Variants in GSG1L observed in about 807,000 individuals in gnomAD.
The protein encoded by GSG1L is germ cell-specific gene 1-like protein.
In GSG1L, 24 loss-of-function variants were observed where a neutral mutation model predicts 42.1. That is an observed-to-expected ratio of 0.57 (90% CI 0.41 to 0.80). The LOEUF (loss-of-function observed/expected upper bound fraction) is 0.80, where lower values mean the gene tolerates loss of function less well. Among genes scored for constraint, GSG1L ranks in the 30% least tolerant of loss-of-function variants. The pLI is 0.00. For missense variants in GSG1L, 445 were observed against 472.2 expected (o/e 0.94, Z 0.53); for synonymous variants, 215 against 203.5 (o/e 1.06, Z -0.48).
At chr16:27,967,510 C>G (rs374444812) in intron 1 of GSG1L, among the ~76,000 whole-genome samples, 1 of 152,134 alleles carries the variant, frequency 6.6e-6, no homozygotes, top group African/African-American at 2.4e-5. Context: ...CAGACAAAGA[C>G]GATAAGGCCC....
chr16:27,840,970 G>A (rs1567480130), intron 4 of GSG1L, among the ~76,000 whole-genome samples: 1 of 152,130 alleles, frequency 6.6e-6, no homozygotes. Context: ...AACCCAGCAA[G>A]CACCACCCAG....
intron 1 of GSG1L, among the ~76,000 whole-genome samples, chr16:28,055,315 C>G (rs986711067): frequency 6.6e-6 from 1 of 151,946 alleles, no homozygotes; most frequent in Non-Finnish European, 1.5e-5. Flanking sequence ...CACCACCACA[C>G]TTATCTAATT....
intron 3 of GSG1L, among the ~76,000 whole-genome samples, chr16:27,855,196 C>T (rs2083562349): frequency 6.6e-6 from 1 of 152,172 alleles, no homozygotes. Flanking sequence ...CTGGCTTGTC[C>T]CCTGCTGAGG....
rs540584851 is a variant in GSG1L at position 27,899,641 on chromosome 16, C to T, written c.398-15003G>A. ...CTGAAGCAGGAGAATTGCTTGAGCT[C>T]GGGAGGTTGAAGCTACAGTGAGCTA... On this transcript the variant is annotated intron_variant, in intron 2 of 6. Coordinates refer to ENST00000447459, the MANE Select transcript of GSG1L (RefSeq NM_001109763.2). 2.8e-4 allele frequency among the ~76,000 whole-genome samples: 43 copies of T among 152,212 alleles called. No individual in the cohort carries two copies. The East Asian group carries it at 4.4e-3, about 16-fold the overall frequency.
intron 6 of GSG1L, among the ~76,000 whole-genome samples, chr16:27,804,513 C>T (rs896633394): frequency 6.6e-6 from 1 of 151,738 alleles, no homozygotes; most frequent in Non-Finnish European, 1.5e-5. Flanking sequence ...TCTCTCCCCT[C>T]AGACTGTGAG....
intron 1 of GSG1L, among the ~76,000 whole-genome samples, chr16:28,049,173 C>T (rs768831134): frequency 2.6e-5 from 4 of 152,164 alleles, no homozygotes; most frequent in Non-Finnish European, 5.9e-5. Flanking sequence ...CCACAACATA[C>T]ACAGGAGCAG....
chr16:27,917,915 C>T (rs547344048), intron 2 of GSG1L, among the ~76,000 whole-genome samples: 1 of 151,988 alleles, frequency 6.6e-6, no homozygotes, highest in African/African-American at 2.4e-5. Flanking sequence ...AGAAAGTGGC[C>T]GGAAGCCAAG....
intron 1 of GSG1L, among the ~76,000 whole-genome samples, chr16:27,988,118 T>G (rs1423643245): frequency 6.6e-6 from 1 of 152,094 alleles, no homozygotes; most frequent in African/African-American, 2.4e-5. Context: ...AAACACAAGT[T>G]TAAGTTTATA....
intron 1 of GSG1L, among the ~76,000 whole-genome samples, chr16:27,975,945 C>T (rs1001959726): frequency 1.3e-5 from 2 of 152,174 alleles, no homozygotes; most frequent in Admixed American, 6.5e-5. Flanking sequence ...TTGGAATCCT[C>T]TCTCCAAAAA....
At chr16:27,907,790 A>T (rs546041808) in intron 2 of GSG1L, among the ~76,000 whole-genome samples, 88 of 152,298 alleles carry the variant, frequency 5.8e-4, no homozygotes, top group Non-Finnish European at 1.2e-3. Context: ...AGCATAATCA[A>T]TCTCTTCTAT....
At chr16:27,856,537 A>T (rs572224722) in intron 3 of GSG1L, among the ~76,000 whole-genome samples, 190 of 152,062 alleles carry the variant, frequency 1.2e-3, no homozygotes, top group African/African-American at 4.2e-3. Context: ...ATGGTCTCAA[A>T]CTCCTTGGCT....
At chr16:27,802,458 C>T (rs563647127) in intron 6 of GSG1L, among the ~76,000 whole-genome samples, 2 of 152,284 alleles carry the variant, frequency 1.3e-5, no homozygotes, top group Admixed American at 1.3e-4. Context: ...GAATGACGGC[C>T]ATCCCTGCTA....
At chr16:27,793,092 T>C (rs1010566059) in intron 6 of GSG1L, among the ~76,000 whole-genome samples, 2 of 152,204 alleles carry the variant, frequency 1.3e-5, no homozygotes, top group Non-Finnish European at 2.9e-5. Context: ...AGAAAGCCCA[T>C]TGAGGTGGGA....
At chr16:27,851,819 C>A (rs937236491) in intron 3 of GSG1L, among the ~76,000 whole-genome samples, 3 of 152,154 alleles carry the variant, frequency 2.0e-5, no homozygotes, top group African/African-American at 7.2e-5. Flanking sequence ...AATGCCAACC[C>A]GAGATGCCAC....
At chr16:27,834,085 C>T (rs976141167) in intron 4 of GSG1L, among the ~76,000 whole-genome samples, 1 of 152,084 alleles carries the variant, frequency 6.6e-6, no homozygotes, top group Non-Finnish European at 1.5e-5. Flanking sequence ...TATAGATGGT[C>T]TTTATCAAGT....
chr16:27,888,473 T>C, intron 2 of GSG1L, among the ~76,000 whole-genome samples: 1 of 75,440 alleles, frequency 1.3e-5, no homozygotes, highest in Non-Finnish European at 3.0e-5. Flanking sequence ...TCTCTCTCTC[T>C]CTCTCTTTCC....
At chr16:27,889,692 C>A (rs887254793) in intron 2 of GSG1L, among the ~76,000 whole-genome samples, 27 of 152,170 alleles carry the variant, frequency 1.8e-4, no homozygotes, top group African/African-American at 6.5e-4. Context: ...CACTACAAAG[C>A]CCCCATGGGG....
At chr16:27,969,710 T>G (rs1265170807) in intron 1 of GSG1L, among the ~76,000 whole-genome samples, 1 of 152,252 alleles carries the variant, frequency 6.6e-6, no homozygotes, top group African/African-American at 2.4e-5. Flanking sequence ...TTGTTTCTCT[T>G]GGGTATATAC....
intron 2 of GSG1L, among the ~76,000 whole-genome samples, chr16:27,888,445 T>TC (rs2084061896): frequency 4.4e-5 from 1 of 22,480 alleles, no homozygotes; most frequent in Non-Finnish European, 1.6e-4. Context: ...TCTTTCTTTC[T>TC]TTCTTTCTTT....
Sources: allele counts gnomAD v4.1 joint callset (sites outside exome capture counted in the v4.1 genomes callset), GRCh38; gene constraint gnomAD v4.1.1; transcripts MANE v1.5; gene names NCBI Gene and HGNC (gene_info 2026-07-23, HGNC 2026-07-21).